Variants in IL1RAPL2 observed in about 807,000 individuals in gnomAD.
IL1RAPL2 encodes the protein interleukin 1 receptor accessory protein like 2, also known as X-linked interleukin-1 receptor accessory protein-like 2.
Under a neutral mutation model 44.1 loss-of-function variants are expected in IL1RAPL2, and 3 were observed. The observed-to-expected ratio is 0.07, with a 90% confidence interval of 0.03 to 0.18. The LOEUF is 0.18. Ranked by LOEUF, IL1RAPL2 falls within the 10% of genes least tolerant of loss-of-function variation. IL1RAPL2 has a pLI of 1.00. For synonymous variants in IL1RAPL2, 181 were observed against 178.8 expected (o/e 1.01, Z -0.10); for missense variants, 391 against 496.4 (o/e 0.79, Z 2.02).
At chrX:104,687,065 A>T (rs1416116541) in intron 2 of IL1RAPL2, among the ~76,000 whole-genome samples, 1 of 112,158 alleles carries the variant, frequency 8.9e-6, no homozygotes, top group Non-Finnish European at 1.9e-5. Context: ...GGGTAGAAAA[A>T]GTTGAAGGTG....
At chrX:105,739,344 G>GATTTATTT (rs200228386) in intron 7 of IL1RAPL2, among the ~76,000 whole-genome samples, 11 of 108,580 alleles carry the variant, frequency 1.0e-4, no homozygotes, top group African/African-American at 3.0e-4. Context: ...AATGTTTTAC[G>GATTTATTT]ATTTATTTAT....
chrX:105,671,225 G>A (rs902547426), intron 6 of IL1RAPL2, among the ~76,000 whole-genome samples: 19 of 112,166 alleles, frequency 1.7e-4, no homozygotes, highest in African/African-American at 5.8e-4. Context: ...AGGATTAAAG[G>A]CATGAGCCAC....
chrX:104,635,622 C>T (rs1314204033), intron 1 of IL1RAPL2, among the ~76,000 whole-genome samples: 2 of 111,902 alleles, frequency 1.8e-5, no homozygotes, highest in African/African-American at 6.5e-5. Context: ...CCCTTTCTTC[C>T]AGTTGATCGC....
At chrX:105,122,889 A>ATCTGT (rs1444531575) in intron 2 of IL1RAPL2, among the ~76,000 whole-genome samples, 1 of 111,166 alleles carries the variant, frequency 9.0e-6, no homozygotes, top group Non-Finnish European at 1.9e-5. Flanking sequence ...CAAACCTGTT[A>ATCTGT]TCTGTTCTGT....
intron 2 of IL1RAPL2, among the ~76,000 whole-genome samples, chrX:105,067,219 C>T (rs930451003): frequency 4.5e-5 from 5 of 110,548 alleles, no homozygotes; most frequent in Non-Finnish European, 7.6e-5. Flanking sequence ...CACACACACG[C>T]GCACACACAC....
intron 5 of IL1RAPL2, among the ~76,000 whole-genome samples, chrX:105,376,584 C>CT (rs746187154): frequency 9.0e-6 from 1 of 111,490 alleles, no homozygotes; most frequent in East Asian, 2.8e-4. Flanking sequence ...CCCTTAGACT[C>CT]TTTTTTTATT....
chrX:105,512,749 T>C (rs2036479478), intron 6 of IL1RAPL2, among the ~76,000 whole-genome samples: 1 of 111,332 alleles, frequency 9.0e-6, no homozygotes, highest in African/African-American at 3.3e-5. Context: ...TATAATAACA[T>C]ATAGTCAAAA....
intron 6 of IL1RAPL2, among the ~76,000 whole-genome samples, chrX:105,609,444 G>C (rs1475949457): frequency 9.1e-6 from 1 of 110,068 alleles, no homozygotes; most frequent in Non-Finnish European, 1.9e-5. Flanking sequence ...GAGAGAGAGA[G>C]AGTTGGGGTA....
At chrX:104,890,842 C>A (rs1021133093) in intron 2 of IL1RAPL2, among the ~76,000 whole-genome samples, 1 of 111,873 alleles carries the variant, frequency 8.9e-6, no homozygotes, top group Admixed American at 9.5e-5. Context: ...GTTGCCATTG[C>A]TTCTGGTGTT....
intron 10 of IL1RAPL2, among the ~76,000 whole-genome samples, chrX:105,765,870 G>A (rs753269808): frequency 8.9e-6 from 1 of 112,559 alleles, no homozygotes; most frequent in Non-Finnish European, 1.9e-5. Context: ...GGGCAGATTT[G>A]TGTTGACAAA....
At chrX:105,070,712 A>AAT (rs766591261) in intron 2 of IL1RAPL2, among the ~76,000 whole-genome samples, 16 of 106,124 alleles carry the variant, frequency 1.5e-4, no homozygotes, top group South Asian at 8.0e-4. Context: ...AAAATAAAAA[A>AAT]ATATATATAT....
chrX:105,213,944 C>G (rs1325768945), intron 3 of IL1RAPL2, among the ~76,000 whole-genome samples: 1 of 108,329 alleles, frequency 9.2e-6, no homozygotes, highest in Non-Finnish European at 1.9e-5. Flanking sequence ...TTGTCACCAC[C>G]AGGCCCTGCC....
At chrX:105,563,274 C>T (rs2036952480) in intron 6 of IL1RAPL2, among the ~76,000 whole-genome samples, 1 of 111,765 alleles carries the variant, frequency 8.9e-6, no homozygotes, top group Non-Finnish European at 1.9e-5. Flanking sequence ...TCCAAGGAAA[C>T]ATAACTAGTA....
intron 2 of IL1RAPL2, among the ~76,000 whole-genome samples, chrX:104,765,810 G>A (rs1237134777): frequency 1.8e-5 from 2 of 111,954 alleles, no homozygotes; most frequent in Non-Finnish European, 3.8e-5. Flanking sequence ...TGCATCAGTG[G>A]TATTGATCCT....
At chrX:105,555,273 G>C (rs939339371) in intron 6 of IL1RAPL2, among the ~76,000 whole-genome samples, 1 of 110,109 alleles carries the variant, frequency 9.1e-6, no homozygotes, top group African/African-American at 3.3e-5. Context: ...CTTCAAGTCA[G>C]CAAGGCGAAC....
intron 2 of IL1RAPL2, among the ~76,000 whole-genome samples, chrX:104,798,401 G>A (rs1284966010): frequency 1.8e-5 from 2 of 110,334 alleles, no homozygotes; most frequent in African/African-American, 3.3e-5. Flanking sequence ...GCTCATGCCT[G>A]TAATCCCAGC....
intron 2 of IL1RAPL2, among the ~76,000 whole-genome samples, chrX:104,792,403 C>G (rs1932830708): frequency 9.0e-6 from 1 of 111,010 alleles, no homozygotes; most frequent in Non-Finnish European, 1.9e-5. Flanking sequence ...TCAATATACT[C>G]TGGGTGGAGA....
intron 4 of IL1RAPL2, among the ~76,000 whole-genome samples, chrX:105,241,085 T>C (rs993967180): frequency 6.3e-5 from 7 of 111,462 alleles, no homozygotes; most frequent in Admixed American, 2.9e-4. Context: ...ATTTCTTATT[T>C]TGACGGTGCT....
Position 105,146,427 on chromosome X carries a change from C to T in IL1RAPL2, c.83-49048C>T, listed in dbSNP as rs766050146. On this transcript the variant is annotated intron_variant, in intron 2 of 10. Coordinates refer to ENST00000372582, the MANE Select transcript of IL1RAPL2 (RefSeq NM_017416.2). ...AAAAAGGTTTTCAGCCCTACTCATT[C>T]CTTCTACCTGAGTAGCCTAGAGTTT... Among the ~76,000 whole-genome samples the T allele has an allele frequency of 2.7e-5, 3 of 111,511 alleles. No homozygotes were observed. The South Asian group carries it at 1.1e-3, about 42-fold the overall frequency.
Sources: gnomAD v4.1 joint callset for allele counts (sites outside exome capture counted in the v4.1 genomes callset) on GRCh38, gnomAD v4.1.1 for gene constraint, MANE v1.5 for transcripts, NCBI Gene and HGNC (gene_info 2026-07-23, HGNC 2026-07-21) for gene names.